The following SLIT3 variants were observed in gnomAD, a reference collection of about 807,000 sequenced individuals.
SLIT3 encodes the protein slit homolog 3 protein.
SLIT3 carries 68 observed loss-of-function variants against 184.0 expected under a neutral mutation model. The observed-to-expected ratio is 0.37, with a 90% CI of 0.30 to 0.45. The LOEUF (loss-of-function observed/expected upper bound fraction) is 0.45, where lower values mean the gene tolerates loss of function less well. Ranked by LOEUF, SLIT3 falls within the 20% of genes least tolerant of loss-of-function variation. The probability of loss-of-function intolerance (pLI) is 1.00; values close to 1 mark genes in which losing one functional copy is unlikely to be tolerated. For synonymous variants in SLIT3, 831 were observed against 828.6 expected, an observed-to-expected ratio of 1.00 and a Z score of -0.05; for missense variants, 1,707 against 2,026.0, an observed-to-expected ratio of 0.84 and a Z score of 3.02.
At chr5:168,929,947 C>T (rs1046654409) in intron 4 of SLIT3, among the ~76,000 whole-genome samples, 2 of 152,174 alleles carry the variant, frequency 1.3e-5, no homozygotes, top group African/African-American at 4.8e-5. Context: ...TACCTTTGAG[C>T]TCAGTGTCTT....
intron 6 of SLIT3, among the ~76,000 whole-genome samples, chr5:168,830,440 A>G (rs1757844318): frequency 6.6e-6 from 1 of 152,234 alleles, no homozygotes; most frequent in East Asian, 1.9e-4. Flanking sequence ...AAGCATCCTT[A>G]GAGAAAACCT....
chr5:169,124,868 T>C (rs1052471382), intron 4 of SLIT3, among the ~76,000 whole-genome samples: 1 of 152,146 alleles, frequency 6.6e-6, no homozygotes, highest in Non-Finnish European at 1.5e-5. Context: ...TCCTGCCCTC[T>C]TCACATATGA....
At chr5:168,747,851 T>C (rs1303013045) in intron 20 of SLIT3, among the ~76,000 whole-genome samples, 1 of 152,044 alleles carries the variant, frequency 6.6e-6, no homozygotes, top group Non-Finnish European at 1.5e-5. Context: ...GAACGTGGAA[T>C]AGGATCCTAT....
chr5:168,704,044 T>G (rs1177329578), intron 26 of SLIT3, among the ~76,000 whole-genome samples: 4 of 151,096 alleles, frequency 2.6e-5, no homozygotes, highest in Non-Finnish European at 5.9e-5. Flanking sequence ...AGTCCTTACT[T>G]CTCAAAGCGT....
At chr5:168,754,145 G>T in intron 16 of SLIT3, 138 bp from the exon 17 acceptor site, 1 of 832,958 alleles carries the variant, frequency 1.2e-6, no homozygotes, top group Non-Finnish European at 1.8e-6. Flanking sequence ...AAGGAGCTCA[G>T]TCTGGGGCTC....
intron 10 of SLIT3, 100 bp from the exon 11 acceptor site, chr5:168,789,731 G>C: frequency 1.2e-6 from 1 of 860,106 alleles, no homozygotes; most frequent in South Asian, 1.5e-5. Context: ...AAAATGGTAA[G>C]GATTAATCAA....
chr5:169,163,698 C>T (rs1421613745), intron 4 of SLIT3, among the ~76,000 whole-genome samples: 1 of 152,140 alleles, frequency 6.6e-6, no homozygotes, highest in Non-Finnish European at 1.5e-5. Flanking sequence ...GCTATCAGCC[C>T]AGATAAAATC....
intron 4 of SLIT3, among the ~76,000 whole-genome samples, chr5:169,095,950 G>C (rs1759762742): frequency 6.6e-6 from 1 of 152,208 alleles, no homozygotes; most frequent in Non-Finnish European, 1.5e-5. Flanking sequence ...TTCTGTAAAA[G>C]TACTGCAGAT....
chr5:169,268,412 C>T (rs574311331), intron 1 of SLIT3, among the ~76,000 whole-genome samples: 7 of 152,224 alleles, frequency 4.6e-5, no homozygotes, highest in African/African-American at 9.7e-5. Flanking sequence ...AGTCATTTTC[C>T]TGCCTGTCTT....
chr5:169,220,318 G>GA (rs34319698), intron 3 of SLIT3, among the ~76,000 whole-genome samples: 45,908 of 128,970 alleles, frequency 0.36, 7,860 homozygotes, highest in East Asian at 0.72. Context: ...TAGCCAAATG[G>GA]AAAAAAAAAA....
intron 4 of SLIT3, among the ~76,000 whole-genome samples, chr5:169,056,753 A>G (rs1312441282): frequency 1.3e-5 from 2 of 152,220 alleles, no homozygotes; most frequent in Non-Finnish European, 2.9e-5. Flanking sequence ...AAGGGAGCAG[A>G]TTGGCGGAGC....
At position 168,748,475 on chromosome 5, in the gene SLIT3, A is replaced by G; in HGVS notation, c.2138-41T>C. The G allele has an allele frequency of 2.0e-6, 3 of 1,498,636 alleles. No individual in the cohort carries two copies. The South Asian group carries it at 4.1e-5, about 20-fold the overall frequency. 92.8% of individuals were successfully genotyped at this position (1,498,636 alleles called of 1,614,324 possible). A position where few individuals can be genotyped will look rare whatever the true frequency, so the allele number is the denominator to read the frequency against. On this transcript the variant is annotated intron_variant, in intron 19 of 35. Coordinates refer to ENST00000519560, the MANE Select transcript of SLIT3 (RefSeq NM_003062.4). ...GAGAGGGTGAGGGTTGTGGGAGATA[A>G]GCCCCACTAGGGGGAGCCAGTGAGC...
intron 5 of SLIT3, among the ~76,000 whole-genome samples, chr5:168,872,623 T>C (rs1759567609): frequency 7.9e-6 from 1 of 126,506 alleles, no homozygotes; most frequent in African/African-American, 3.5e-5. Flanking sequence ...CTTTCTTCTT[T>C]TCTTCTTCTT....
intron 4 of SLIT3, among the ~76,000 whole-genome samples, chr5:169,187,976 G>T (rs1229202476): frequency 6.6e-6 from 1 of 152,078 alleles, no homozygotes; most frequent in Non-Finnish European, 1.5e-5. Flanking sequence ...TTGTTTGTTT[G>T]AGATGGGGTC....
chr5:168,921,208 C>G (rs1761624379), intron 4 of SLIT3, among the ~76,000 whole-genome samples: 1 of 152,196 alleles, frequency 6.6e-6, no homozygotes, highest in Non-Finnish European at 1.5e-5. Flanking sequence ...GCTCTCCTTT[C>G]CTTGCTCTGT....
In SLIT3 at chr5:168,993,579, A is replaced by AT. The variant is rs1470216007; in HGVS notation, c.414-110244dup. Among the ~76,000 whole-genome samples the AT allele has an allele frequency of 2.6e-5, 4 of 152,114 alleles. No individual in the cohort carries two copies. The East Asian group carries it at 7.7e-4, about 29-fold the overall frequency. On this transcript the variant is annotated intron_variant, in intron 4 of 35. Transcript: ENST00000519560. ...CTGAAGGCCCTTTTGTCTTAGAAGG[A>AT]TTTTCCATCCTAAGTAACTACAGGA... is the stretch of plus-strand genomic sequence containing the variant.
chr5:169,010,246 T>A (rs1321352415), intron 4 of SLIT3, among the ~76,000 whole-genome samples: 2 of 152,078 alleles, frequency 1.3e-5, no homozygotes, highest in Non-Finnish European at 2.9e-5. Context: ...CACAGAGAGT[T>A]GCTAGCCCTA....
intron 3 of SLIT3, among the ~76,000 whole-genome samples, chr5:169,228,943 TAATC>T (rs905794850): frequency 1.3e-5 from 2 of 152,340 alleles, no homozygotes; most frequent in South Asian, 2.1e-4. Context: ...TCTAATAACT[TAATC>T]AAACATTTAA....
intron 4 of SLIT3, among the ~76,000 whole-genome samples, chr5:168,892,161 CA>C (rs1478063767): frequency 6.6e-6 from 1 of 152,144 alleles, no homozygotes; most frequent in African/African-American, 2.4e-5. Flanking sequence ...TAAAAAGAAA[CA>C]GTTGAAATTA....
Sources: gnomAD v4.1 joint callset for allele counts (sites outside exome capture counted in the v4.1 genomes callset) on GRCh38, gnomAD v4.1.1 for gene constraint, MANE v1.5 for transcripts, NCBI Gene and HGNC (gene_info 2026-07-23, HGNC 2026-07-21) for gene names.